TBC1D2B: variants seen among roughly 807,000 people sequenced by gnomAD.
TBC1D2B encodes TBC1 domain family, member 2B.
A neutral mutation model predicts 100.8 loss-of-function variants in TBC1D2B; 64 were observed. The ratio of observed to expected loss-of-function variants is 0.64; its 90% confidence interval spans 0.52 to 0.78. The LOEUF is 0.78. TBC1D2B is among the 30% of genes least tolerant of loss of function. The probability of loss-of-function intolerance (pLI) is 0.00; values close to 1 mark genes in which losing one functional copy is unlikely to be tolerated. For synonymous variants in TBC1D2B, 480 were observed against 479.7 expected (o/e 1.00, Z -0.01); for missense variants, 1,052 against 1,218.4 (o/e 0.86, Z 2.03).
At chr15:78,022,371 T>A (rs2072537103) in intron 6 of TBC1D2B, among the ~76,000 whole-genome samples, 1 of 152,010 alleles carries the variant, frequency 6.6e-6, no homozygotes, top group African/African-American at 2.4e-5. Context: ...AAAAAATAAA[T>A]ACATAAAAAT....
intron 10 of TBC1D2B, 24 bp from the exon 11 acceptor site, chr15:78,003,514 A>C (rs888270400): frequency 3.8e-6 from 6 of 1,590,856 alleles, no homozygotes; most frequent in South Asian, 1.1e-5. Context: ...AAAGGGGAGA[A>C]GTGTATCAGG....
At position 78,003,913 on chromosome 15, in the gene TBC1D2B, GCAGCATCACCA is replaced by G. The variant is rs1231089152; in HGVS notation, c.2389-434_2389-424del. On this transcript the variant is annotated intron_variant, in intron 10 of 12. Coordinates refer to ENST00000300584, the MANE Select transcript of TBC1D2B (RefSeq NM_144572.2). ...TGGGGATTCTGCTTCCAAAAAGGAAGCAGCATCACCACATCCATTCAACAAACATTTGCTGG... is the reference window on the plus strand; with the variant it reads ...TGGGGATTCTGCTTCCAAAAAGGAAGCATCCATTCAACAAACATTTGCTGG... 2.0e-5 allele frequency among the ~76,000 whole-genome samples: 3 copies of G among 152,316 alleles called. No individual in the cohort carries two copies. The East Asian group carries it at 5.8e-4, about 29-fold the overall frequency.
Position 78,034,837 on chromosome 15 carries a change from C to T in TBC1D2B, c.684-4667G>A, listed in dbSNP as rs1023872971. On this transcript the variant is annotated intron_variant, in intron 3 of 12. Coordinates refer to ENST00000300584, the MANE Select transcript of TBC1D2B (RefSeq NM_144572.2). The stretch of plus-strand genomic sequence containing the variant: ...CTGTTTTTGCTCTTATGTGGCAAAA[C>T]CCAATTCTAGGACTGTGCAACAAGG... The T allele has an allele frequency of 3.8e-5, 24 of 635,180 alleles. No individual in the cohort carries two copies. The African/African-American group carries it at 4.6e-4, about 12-fold the overall frequency. The allele number at this position is 635,180 out of a possible 1,614,324, so 39.3% of individuals were successfully genotyped here.
intron 1 of TBC1D2B, among the ~76,000 whole-genome samples, chr15:78,070,516 A>G (rs937706179): frequency 6.6e-6 from 1 of 152,250 alleles, no homozygotes; most frequent in Non-Finnish European, 1.5e-5. Context: ...CCAGTGCCTA[A>G]GCACACACAG....
At chr15:78,045,451 AAAGC>A (rs771056110) in intron 2 of TBC1D2B, among the ~76,000 whole-genome samples, 3 of 152,250 alleles carry the variant, frequency 2.0e-5, no homozygotes, top group Non-Finnish European at 4.4e-5. Flanking sequence ...TTATATAAGA[AAAGC>A]AAGGTGCAGA....
chr15:78,058,226 T>G (rs1211942772), intron 1 of TBC1D2B, among the ~76,000 whole-genome samples: 1 of 152,220 alleles, frequency 6.6e-6, no homozygotes, highest in Non-Finnish European at 1.5e-5. Flanking sequence ...ATGGCAAATA[T>G]ATTCCATTTT....
intron 8 of TBC1D2B, 100 bp downstream of exon 8, chr15:78,016,446 A>G: frequency 1.8e-6 from 2 of 1,104,086 alleles, no homozygotes; most frequent in Non-Finnish European, 2.6e-6. Flanking sequence ...ACCAAATGAG[A>G]CACACAGTTG....
intron 1 of TBC1D2B, among the ~76,000 whole-genome samples, chr15:78,059,965 A>G (rs562506440): frequency 1.3e-5 from 2 of 152,180 alleles, no homozygotes; most frequent in South Asian, 4.2e-4. Flanking sequence ...CCACTAAACA[A>G]CAAGTTTATC....
intron 2 of TBC1D2B, among the ~76,000 whole-genome samples, chr15:78,046,873 G>A (rs2073206531): frequency 1.3e-5 from 2 of 152,208 alleles, no homozygotes; most frequent in Admixed American, 6.5e-5. Flanking sequence ...CAGAGAGCAG[G>A]CATTCCTGTG....
intron 2 of TBC1D2B, among the ~76,000 whole-genome samples, chr15:78,053,342 C>A (rs1169262013): frequency 6.6e-6 from 1 of 152,156 alleles, no homozygotes; most frequent in Non-Finnish European, 1.5e-5. Flanking sequence ...CTTTTTAGAC[C>A]TTACTTCAGA....
At chr15:78,029,831 AT>A (rs1555419867) in intron 4 of TBC1D2B, among the ~76,000 whole-genome samples, 175 bp downstream of exon 4, 1 of 152,212 alleles carries the variant, frequency 6.6e-6, no homozygotes, top group Non-Finnish European at 1.5e-5. Flanking sequence ...TTTATTTCTT[AT>A]AACGTTTATT....
At chr15:78,014,892 G>C (rs1459472284) in intron 8 of TBC1D2B, among the ~76,000 whole-genome samples, 2 of 152,210 alleles carry the variant, frequency 1.3e-5, no homozygotes, top group African/African-American at 4.8e-5. Context: ...CGTGACGTCT[G>C]GCATTTGCTT....
At chr15:78,016,782 A>G (rs2072388555) in intron 7 of TBC1D2B, 43 bp from the exon 8 acceptor site, 2 of 1,443,194 alleles carry the variant, frequency 1.4e-6, no homozygotes, top group Non-Finnish European at 1.8e-6. Flanking sequence ...ACAGAGACAC[A>G]GGAAGAGCAA....
intron 8 of TBC1D2B, among the ~76,000 whole-genome samples, chr15:78,015,250 C>A (rs1443071491): frequency 3.3e-5 from 5 of 151,886 alleles, no homozygotes; most frequent in Non-Finnish European, 7.4e-5. Flanking sequence ...ATAAAATATT[C>A]CAGAAAAAAA....
intron 6 of TBC1D2B, among the ~76,000 whole-genome samples, chr15:78,023,825 A>G (rs1036031072): frequency 3.9e-5 from 6 of 152,258 alleles, no homozygotes; most frequent in Admixed American, 1.3e-4. Context: ...TTTCATGCAC[A>G]CAGGAGAGGC....
intron 2 of TBC1D2B, among the ~76,000 whole-genome samples, chr15:78,049,333 G>C (rs1353286618): frequency 6.6e-6 from 1 of 152,184 alleles, no homozygotes; most frequent in African/African-American, 2.4e-5. Flanking sequence ...TAGCATAGAG[G>C]AGTGACTTAA....
Position 77,995,413 on chromosome 15 carries a change from C to T in TBC1D2B, c.*2747G>A, listed in dbSNP as rs1404993312. On this transcript the variant is annotated 3_prime_UTR_variant, in exon 13 of 13. Transcript: ENST00000300584. ...TGTCAGCATGACTACAGGCAGCGCC[C>T]GAGGCTATCTGGGGTAAGAAGTGGG... 6.6e-6 allele frequency: 1 copy of T among 152,350 alleles called. No individual in the cohort carries two copies. Among genetic ancestry groups the T allele is most frequent in the Non-Finnish European group, 1.5e-5 (1 of 68,050 alleles). The allele number at this position is 152,350 out of a possible 1,614,324, so 9.4% of individuals were successfully genotyped here. A position where few individuals can be genotyped will look rare whatever the true frequency, so the allele number is the denominator to read the frequency against.
At chr15:78,018,289 T>C (rs2072427425) in intron 6 of TBC1D2B, among the ~76,000 whole-genome samples, 1 of 152,226 alleles carries the variant, frequency 6.6e-6, no homozygotes, top group Non-Finnish European at 1.5e-5. Flanking sequence ...ATATTCCATA[T>C]TCATTGAGGT....
Position 78,024,420 on chromosome 15 carries a change from A to G in TBC1D2B, c.1206T>C (p.Asp402=). The part of the protein sequence containing the change: ...KDTLELLHQK[D]DQILGLTSQL... ...GGCTGGTAAGGCCCAGAATCTGATC[A>G]TCCTTTTGGTGCAGAAGCTCGAGCG... The change falls in exon 6 of 13, where the codon GAT becomes GAC. Residue 402 remains aspartate, a synonymous_variant. Coordinates refer to ENST00000300584, the MANE Select transcript of TBC1D2B (RefSeq NM_144572.2). 1 of 1,614,022 alleles carries G rather than the reference A, an allele frequency of 6.2e-7. No individual in the cohort carries two copies. Among genetic ancestry groups the G allele is most frequent in the Non-Finnish European group, 8.5e-7 (1 of 1,179,886 alleles).
Sources: gnomAD v4.1 joint callset for allele counts (sites outside exome capture counted in the v4.1 genomes callset) on GRCh38, gnomAD v4.1.1 for gene constraint, MANE v1.5 for transcripts, NCBI Gene and HGNC (gene_info 2026-07-23, HGNC 2026-07-21) for gene names.